Variants in NCOR2 observed in about 807,000 individuals in gnomAD.
NCOR2 encodes nuclear receptor corepressor 2, also known as CTG repeat protein 26.
In NCOR2, 81 loss-of-function variants were observed where a neutral mutation model predicts 262.9. That is an observed-to-expected ratio of 0.31 (90% CI 0.26 to 0.37). The LOEUF (loss-of-function observed/expected upper bound fraction) is 0.37, where lower values mean the gene tolerates loss of function less well. Ranked by LOEUF, NCOR2 falls within the 10% of genes least tolerant of loss-of-function variation. The pLI, the probability that NCOR2 is intolerant of heterozygous loss-of-function variation, is 1.00. For synonymous variants in NCOR2, 1,659 were observed against 1,559.3 expected (o/e 1.06, Z -1.51); for missense variants, 3,385 against 3,621.4 (o/e 0.93, Z 1.68).
At chr12:124,406,567 C>G (rs2042289262) in intron 13 of NCOR2, among the ~76,000 whole-genome samples, 1 of 152,206 alleles carries the variant, frequency 6.6e-6, no homozygotes, top group Non-Finnish European at 1.5e-5. Context: ...GAACTAGAAG[C>G]CAGCTCCACT....
chr12:124,475,439 G>A (rs1049139221), intron 3 of NCOR2, among the ~76,000 whole-genome samples: 4 of 152,328 alleles, frequency 2.6e-5, no homozygotes, highest in South Asian at 2.1e-4. Flanking sequence ...GAGCCTGGAG[G>A]CCACTGGGGC....
rs968592145 is a variant in NCOR2 at position 124,566,381 on chromosome 12, G to A, written c.-165+927C>T. Reference sequence around the variant, plus strand: ...GTAAAAATAACGCCGGGCGCCCCACGCTAATTGGGCCCGGGCGACAGCAGC... The same window carrying A: ...GTAAAAATAACGCCGGGCGCCCCACACTAATTGGGCCCGGGCGACAGCAGC... On this transcript the variant is annotated intron_variant, in intron 1 of 32. Coordinates refer to the NCOR2 transcript ENST00000458234. This position sits in a 1 kb window ranked among gnomAD's most constrained non-coding sequence, Gnocchi z 4.3. Among the ~76,000 whole-genome samples the A allele has an allele frequency of 9.9e-5, 15 of 152,152 alleles. No individual in the cohort carries two copies. Among genetic ancestry groups the A allele is most frequent in the African/African-American group, 3.6e-4 (15 of 41,424 alleles).
intron 7 of NCOR2, among the ~76,000 whole-genome samples, chr12:124,439,276 C>CCCAGAG (rs1565945531): frequency 1.6e-3 from 12 of 7,314 alleles, no homozygotes; most frequent in Non-Finnish European, 3.2e-3. Context: ...GACCCTGAGA[C>CCCAGAG]AGAGGGAGAG....
chr12:124,477,219 G>A (rs904084666), intron 3 of NCOR2, among the ~76,000 whole-genome samples: 8 of 152,178 alleles, frequency 5.3e-5, no homozygotes, highest in East Asian at 1.9e-4. Context: ...TCATGGTGGC[G>A]GTTTCCCCCG....
chr12:124,371,939 TG>T, intron 20 of NCOR2, 82 bp downstream of exon 22: 1 of 1,361,702 alleles, frequency 7.3e-7, no homozygotes, highest in Middle Eastern at 1.9e-4. Context: ...AGAGCCAGAC[TG>T]GGTGCGGCTG....
chr12:124,495,409 G>T, upstream of NCOR2: 1 of 1,392,044 alleles, frequency 7.2e-7, no homozygotes, highest in Non-Finnish European at 9.4e-7. The surrounding 1 kb of genome is among the most constrained non-coding windows in gnomAD (Gnocchi z 4.4). Flanking sequence ...TCAGCCACGG[G>T]GCAGCTGGCT....
In NCOR2 at chr12:124,334,982, C is replaced by T. The variant is rs1288480723; in HGVS notation, c.6411+153G>A. 8 of 1,173,536 alleles carry T rather than the reference C, an allele frequency of 6.8e-6. No homozygotes were observed. The Admixed American group carries it at 1.1e-4, about 16-fold the overall frequency. The allele number at this position is 1,173,536 out of a possible 1,614,324, so 72.7% of individuals were successfully genotyped here. On this transcript the variant is annotated intron_variant, in intron 40 of 46. Coordinates refer to ENST00000405201, the Ensembl canonical transcript of NCOR2. ...GGTGCTCGGGGCTTTGGGATCTCAC[C>T]CTCACCCACGCCCTGGATCCCCCCA... is the stretch of plus-strand genomic sequence containing the variant.
chr12:124,368,151 G>A (rs1049544134), intron 20 of NCOR2, among the ~76,000 whole-genome samples: 15 of 152,242 alleles, frequency 9.9e-5, no homozygotes, highest in Admixed American at 6.5e-4. Flanking sequence ...GAGTGGAGAC[G>A]AAAGCTTCAA....
chr12:124,461,250 G>A (rs923528172), intron 5 of NCOR2, among the ~76,000 whole-genome samples: 19 of 152,366 alleles, frequency 1.2e-4, no homozygotes, highest in African/African-American at 2.4e-4. Flanking sequence ...TGGGGCTGAC[G>A]CCGCAGGGGA....
intron 31 of NCOR2, 95 bp from the exon 34 acceptor site, chr12:124,345,046 T>C (rs2135848683): frequency 8.4e-7 from 1 of 1,196,728 alleles, no homozygotes; most frequent in Non-Finnish European, 1.1e-6. Context: ...TTGTCATCTA[T>C]AAGATGGAAG....
At chr12:124,425,707 G>A (rs920575237) in intron 11 of NCOR2, among the ~76,000 whole-genome samples, 2 of 152,130 alleles carry the variant, frequency 1.3e-5, no homozygotes, top group Admixed American at 1.3e-4. Flanking sequence ...CTCGACTCCC[G>A]TCTCTGCTCT....
exon 38 of NCOR2, chr12:124,336,895 G>A (rs778897830): frequency 4.9e-5 from 78 of 1,604,988 alleles, no homozygotes; most frequent in Non-Finnish European, 6.1e-5. Flanking sequence ...GGGTGCGGGC[G>A]ATGGTGGCGT....
At chr12:124,421,103 G>A (rs973944707) in intron 12 of NCOR2, among the ~76,000 whole-genome samples, 5 of 152,266 alleles carry the variant, frequency 3.3e-5, no homozygotes, top group Admixed American at 6.5e-5. Flanking sequence ...GCCCGGCTCC[G>A]GACAGCAGCT....
At chr12:124,351,369 G>T (rs2037445041) in intron 27 of NCOR2, among the ~76,000 whole-genome samples, 1 of 138,858 alleles carries the variant, frequency 7.2e-6, no homozygotes, top group Admixed American at 7.7e-5. Flanking sequence ...GCTGGAGCTG[G>T]ACCCTTCTTT....
chr12:124,348,059 C>T (rs1348108330), intron 29 of NCOR2, 115 bp downstream of exon 31: 15 of 1,527,506 alleles, frequency 9.8e-6, no homozygotes, highest in Non-Finnish European at 1.3e-5. Context: ...GCGCTACCTC[C>T]AGATGGAGCC....
chr12:124,540,472 G>C (rs1211300540), upstream of NCOR2, among the ~76,000 whole-genome samples: 1 of 29,904 alleles, frequency 3.3e-5, no homozygotes, highest in Non-Finnish European at 6.8e-5. Context: ...TGGAGAGCTG[G>C]AGGGGGATGG....
intron 1 of NCOR2, among the ~76,000 whole-genome samples, chr12:124,510,334 G>T (rs2049323399): frequency 6.6e-6 from 1 of 152,240 alleles, no homozygotes; most frequent in South Asian, 2.1e-4. Context: ...GCAGCGGGAA[G>T]ATGAGCAAAT....
rs112025206 is a variant in NCOR2, at chr12:124,483,860, C to T, written c.234-87G>A. 36,466 of 1,385,638 alleles carry T rather than the reference C, an allele frequency of 0.026. 670 individuals are homozygous for T. Among genetic ancestry groups the T allele is most frequent in the Middle Eastern group, 0.047 (234 of 4,976 alleles). 85.8% of individuals were successfully genotyped at this position (1,385,638 alleles called of 1,614,324 possible). On this transcript the variant is annotated intron_variant, in intron 2 of 46. Coordinates refer to ENST00000405201, the Ensembl canonical transcript of NCOR2. This position sits in a 1 kb window ranked among gnomAD's most constrained non-coding sequence, Gnocchi z 6.3. ...CCCGACCACCCTCTGCGCCGAGCATCTACTGCGCGCCGTGCTCTGTATGAT... is the reference window on the plus strand; with the variant it reads ...CCCGACCACCCTCTGCGCCGAGCATTTACTGCGCGCCGTGCTCTGTATGAT...
chr12:124,348,275 C>T, exon 29 of NCOR2: 1 of 1,612,952 alleles, frequency 6.2e-7, no homozygotes, highest in African/African-American at 1.3e-5. Context: ...TGAGCTGCTT[C>T]TGCCGTCCTC....
Sources: gnomAD v4.1 joint callset for allele counts (sites outside exome capture counted in the v4.1 genomes callset) on GRCh38, gnomAD v4.1.1 for gene constraint, Gnocchi (gnomAD v3.1) non-coding constraint, MANE v1.5 for transcripts, NCBI Gene and HGNC (gene_info 2026-07-23, HGNC 2026-07-21) for gene names.